The following DOCK7 variants were observed in gnomAD, a reference collection of about 807,000 sequenced individuals.
The protein encoded by DOCK7 is dedicator of cytokinesis 7.
In DOCK7, 138 loss-of-function variants were observed where a neutral mutation model predicts 271.0. That is an observed-to-expected ratio of 0.51 (90% CI 0.44 to 0.59). The LOEUF (loss-of-function observed/expected upper bound fraction) is 0.59. Among genes scored for constraint, DOCK7 ranks in the 20% least tolerant of loss-of-function variants. The pLI, the probability that DOCK7 is intolerant of heterozygous loss-of-function variation, is 0.00. For synonymous variants in DOCK7, 823 were observed against 876.1 expected, an observed-to-expected ratio of 0.94 and a Z score of 1.07; for missense variants, 2,066 against 2,592.4, an observed-to-expected ratio of 0.80 and a Z score of 4.41.
chr1:62,473,796 G>A (rs752520500), intron 48 of DOCK7, among the ~76,000 whole-genome samples, 186 bp downstream of exon 48: 4 of 151,930 alleles, frequency 2.6e-5, no homozygotes, highest in African/African-American at 9.7e-5. Context: ...TGTTTTCCAG[G>A]CTGGTCTCAA....
At chr1:62,507,828 A>G in intron 35 of DOCK7, 134 bp downstream of exon 35, 1 of 721,452 alleles carries the variant, frequency 1.4e-6, no homozygotes. Flanking sequence ...AGAATCTCAG[A>G]ATGCTTGGAA....
chr1:62,645,368 CAT>C (rs760164784), intron 7 of DOCK7, among the ~76,000 whole-genome samples: 31 of 151,126 alleles, frequency 2.1e-4, no homozygotes, highest in Non-Finnish European at 3.1e-4. Context: ...AGTACTGACA[CAT>C]GTTACAGCAC....
chr1:62,662,985 A>G, intron 2 of DOCK7, 40 bp downstream of exon 2: 1 of 1,515,052 alleles, frequency 6.6e-7, no homozygotes, highest in Non-Finnish European at 9.1e-7. Flanking sequence ...CTAGTCAATC[A>G]TACACCAAGA....
chr1:62,459,108 T>C (rs1645436747), intron 48 of DOCK7: 1 of 152,076 alleles, frequency 6.6e-6, no homozygotes, highest in Admixed American at 6.6e-5. Flanking sequence ...AGTTGGTTCT[T>C]TGAAAAAACT....
intron 34 of DOCK7, among the ~76,000 whole-genome samples, chr1:62,508,382 T>G (rs528853519): frequency 6.6e-6 from 1 of 152,310 alleles, no homozygotes; most frequent in East Asian, 1.9e-4. Context: ...TGGGCTTGTA[T>G]TTAGGACTGC....
intron 1 of DOCK7, among the ~76,000 whole-genome samples, chr1:62,684,872 A>T (rs1661557826): frequency 6.6e-6 from 1 of 152,218 alleles, no homozygotes; most frequent in African/African-American, 2.4e-5. Context: ...CACAGCCTCA[A>T]AAAATAACTG....
intron 34 of DOCK7, among the ~76,000 whole-genome samples, chr1:62,510,172 T>C (rs1644441942): frequency 6.6e-6 from 1 of 152,210 alleles, no homozygotes; most frequent in African/African-American, 2.4e-5. Context: ...TCTGCCTTTA[T>C]GCTAGAAACA....
chr1:62,473,125 GA>G (rs1645877018), intron 48 of DOCK7, among the ~76,000 whole-genome samples: 1 of 152,166 alleles, frequency 6.6e-6, no homozygotes, highest in African/African-American at 2.4e-5. Flanking sequence ...TGAAATTGGG[GA>G]TAGTCTTGGG....
At chr1:62,554,219 T>A (rs547941746) in intron 21 of DOCK7, among the ~76,000 whole-genome samples, 4 of 152,258 alleles carry the variant, frequency 2.6e-5, no homozygotes, top group African/African-American at 9.6e-5. Flanking sequence ...ACGCCTATAA[T>A]CCCAGCACTT....
chr1:62,625,842 T>A (rs187901414), intron 11 of DOCK7, among the ~76,000 whole-genome samples: 72 of 152,284 alleles, frequency 4.7e-4, no homozygotes, highest in South Asian at 2.7e-3. Context: ...GACTGAAGAT[T>A]AACAAGGAAA....
At chr1:62,480,813 C>T (rs1219607639) in intron 43 of DOCK7, among the ~76,000 whole-genome samples, 6 of 151,886 alleles carry the variant, frequency 4.0e-5, no homozygotes, top group Non-Finnish European at 7.4e-5. Context: ...ATCGAGACCA[C>T]CCTGGCTAAC....
intron 14 of DOCK7, chr1:62,600,969 G>A (rs763410901): frequency 8.1e-5 from 57 of 706,762 alleles, no homozygotes; most frequent in Non-Finnish European, 1.2e-4. Flanking sequence ...ATCAAACACC[G>A]TTATAACATT....
Position 62,505,636 on chromosome 1 carries a change from T to C in DOCK7, c.4611+46A>G, listed in dbSNP as rs1023363319. ...GTCAAATGATCTTAGACAATGTTAA[T>C]AAAAAAAACAAAGTCTGACAACACT... On this transcript the variant is annotated intron_variant, in intron 36 of 49. Coordinates refer to ENST00000635253, the MANE Select transcript of DOCK7 (RefSeq NM_001367561.1). 9.6e-6 allele frequency: 15 copies of C among 1,563,970 alleles called. No individual in the cohort carries two copies. The African/African-American group carries it at 9.7e-5, about 10-fold the overall frequency.
chr1:62,489,178 A>C (rs1646384712), intron 41 of DOCK7, 113 bp from the exon 42 acceptor site: 2 of 1,017,648 alleles, frequency 2.0e-6, no homozygotes, highest in Non-Finnish European at 2.7e-6. Flanking sequence ...GGCCAGACGC[A>C]GTGGCTCACA....
At chr1:62,461,553 G>C (rs1645526857) in intron 48 of DOCK7, among the ~76,000 whole-genome samples, 1 of 151,706 alleles carries the variant, frequency 6.6e-6, no homozygotes, top group Non-Finnish European at 1.5e-5. Context: ...TGTGGTCCCA[G>C]CTACTTGGGA....
At chr1:62,523,745 T>C (rs992172557) in intron 31 of DOCK7, among the ~76,000 whole-genome samples, 4 of 152,054 alleles carry the variant, frequency 2.6e-5, no homozygotes, top group Non-Finnish European at 4.4e-5. Context: ...CGGGTGCCTA[T>C]AGTCCCAGCT....
intron 15 of DOCK7, 112 bp from the exon 16 acceptor site, chr1:62,583,366 A>C (rs1245435140): frequency 1.1e-6 from 1 of 895,734 alleles, no homozygotes; most frequent in Non-Finnish European, 1.8e-6. Context: ...GGGCAAAATC[A>C]GCCCAATGAA....
intron 47 of DOCK7, among the ~76,000 whole-genome samples, chr1:62,474,650 G>T (rs1461528980): frequency 6.6e-6 from 1 of 152,132 alleles, no homozygotes; most frequent in Non-Finnish European, 1.5e-5. Context: ...AATCTGAAAA[G>T]TAGTTAAGAC....
rs1450855217 is a variant in DOCK7, at chr1:62,656,261, G to A, written c.145-2102C>T. Reference sequence around the variant, plus strand: ...CTATTTGAAGAAAACACAGCAAAATGTCCTTACAATTTGGGAGTAGGCCAA... The same window carrying A: ...CTATTTGAAGAAAACACAGCAAAATATCCTTACAATTTGGGAGTAGGCCAA... On this transcript the variant is annotated intron_variant, in intron 2 of 49. Coordinates refer to ENST00000635253, the MANE Select transcript of DOCK7 (RefSeq NM_001367561.1). Among the ~76,000 whole-genome samples, 10 of 152,178 alleles carry A rather than the reference G, an allele frequency of 6.6e-5. No individual in the cohort carries two copies. The East Asian group carries it at 1.7e-3, about 26-fold the overall frequency.
Sources: gnomAD v4.1 joint callset for allele counts (sites outside exome capture counted in the v4.1 genomes callset) on GRCh38, gnomAD v4.1.1 for gene constraint, MANE v1.5 for transcripts, NCBI Gene and HGNC (gene_info 2026-07-23, HGNC 2026-07-21) for gene names.